Variants in WDR88 observed in about 807,000 individuals in gnomAD.
The protein encoded by WDR88 is WD repeat-containing protein 88.
WDR88 carries 40 observed loss-of-function variants against 46.8 expected under a neutral mutation model. The observed-to-expected ratio is 0.86, with a 90% CI of 0.66 to 1.11. WDR88 has a LOEUF of 1.11. Ranked by LOEUF, WDR88 falls within the 50% of genes most tolerant of loss-of-function variation. The probability of loss-of-function intolerance (pLI) is 0.00; values close to 1 mark genes in which losing one functional copy is unlikely to be tolerated. For synonymous variants in WDR88, 235 were observed against 240.7 expected, an observed-to-expected ratio of 0.98 and a Z score of 0.22; for missense variants, 562 against 602.4, an observed-to-expected ratio of 0.93 and a Z score of 0.70.
chr19:33,151,221 C>G lies in WDR88; in HGVS notation c.720C>G (p.Pro240=), dbSNP rs181600842. 1.9e-6 allele frequency: 3 copies of G among 1,613,770 alleles called. No individual in the cohort carries two copies. The highest frequency in any genetic ancestry group is 1.7e-6 in the Non-Finnish European group (2 of 1,179,872). The change falls in exon 6 of 11, where the codon CCC becomes CCG. Residue 240 remains proline, a synonymous_variant. Transcript: ENST00000355868. ...TRSITSCCFD[P]DSQRVASVSL... is the part of the protein sequence containing the mutation. Reference sequence around the variant, plus strand: ...CCATCACGTCATGCTGCTTTGACCCCGACAGCCAGAGGGTGGCTTCTGTCT... The same window carrying G: ...CCATCACGTCATGCTGCTTTGACCCGGACAGCCAGAGGGTGGCTTCTGTCT...
chr19:33,153,225 G>GT (rs1273804067), intron 6 of WDR88, among the ~76,000 whole-genome samples: 3 of 110,208 alleles, frequency 2.7e-5, no homozygotes, highest in African/African-American at 1.7e-4. Context: ...TAATTTTTAA[G>GT]TTTGTTTTTT....
At chr19:33,170,283 T>A (rs1040619666) in intron 9 of WDR88, among the ~76,000 whole-genome samples, 1 of 151,994 alleles carries the variant, frequency 6.6e-6, no homozygotes, top group African/African-American at 2.4e-5. Flanking sequence ...GCTTAGGCGA[T>A]CCTCCCGCCT....
chr19:33,160,501 A>G lies in WDR88; in HGVS notation c.1080+5A>G. The stretch of plus-strand genomic sequence containing the variant: ...TACCGGAAGCTCTCTTTGAAGGTAC[A>G]TGTGGCCAGCATGAGATTGAGGATC... On this transcript the variant is annotated splice_donor_5th_base_variant and intron_variant, in intron 8 of 10. Transcript: ENST00000355868. 3 of 1,614,118 alleles carry G rather than the reference A, an allele frequency of 1.9e-6. No individual in the cohort carries two copies. The highest frequency in any genetic ancestry group is 2.7e-5 in the African/African-American group (2 of 75,054).
At chr19:33,161,268 G>A (rs1469875800) in intron 8 of WDR88, among the ~76,000 whole-genome samples, 1 of 152,082 alleles carries the variant, frequency 6.6e-6, no homozygotes, top group East Asian at 1.9e-4. Flanking sequence ...TCCAAAATGG[G>A]GATGTCAACT....
chr19:33,165,947 A>G (rs991143565), intron 9 of WDR88, among the ~76,000 whole-genome samples: 2 of 150,038 alleles, frequency 1.3e-5, no homozygotes, highest in African/African-American at 2.5e-5. Flanking sequence ...TCTTTGATAC[A>G]GTACTTTAGT....
chr19:33,174,649 C>T (rs1293368586), intron 10 of WDR88: 14 of 985,298 alleles, frequency 1.4e-5, no homozygotes, highest in Middle Eastern at 5.2e-4. Context: ...TGCCTACTTG[C>T]GTCTCATGGT....
At chr19:33,143,843 C>T (rs1721667275) in intron 2 of WDR88, among the ~76,000 whole-genome samples, 1 of 152,096 alleles carries the variant, frequency 6.6e-6, no homozygotes, top group African/African-American at 2.4e-5. Context: ...GAAACTGGGA[C>T]TGTACCAAAA....
At chr19:33,174,251 T>C (rs1472264466) in intron 10 of WDR88, 1 of 1,536,178 alleles carries the variant, frequency 6.5e-7, no homozygotes, top group South Asian at 1.2e-5. Context: ...TCTGAATCAA[T>C]CAACATGAGA....
At chr19:33,142,890 G>A (rs991560960) in intron 2 of WDR88, 2 of 150,298 alleles carry the variant, frequency 1.3e-5, no homozygotes, top group Non-Finnish European at 3.0e-5. Flanking sequence ...AGGCCGGGGG[G>A]CGGGAATAAC....
intron 3 of WDR88, 21 bp downstream of exon 3, chr19:33,144,953 C>T: frequency 6.2e-7 from 1 of 1,606,182 alleles, no homozygotes; most frequent in Non-Finnish European, 8.5e-7. Flanking sequence ...CCTCGTCTTA[C>T]ACTGGGAAGA....
intron 9 of WDR88, among the ~76,000 whole-genome samples, chr19:33,171,268 G>T (rs913639637): frequency 6.6e-6 from 1 of 152,312 alleles, no homozygotes; most frequent in East Asian, 1.9e-4. Flanking sequence ...TTACTGGTGT[G>T]AGCCACCATG....
At chr19:33,144,113 G>A (rs1453442661) in intron 2 of WDR88, among the ~76,000 whole-genome samples, 2 of 152,180 alleles carry the variant, frequency 1.3e-5, no homozygotes, top group Admixed American at 1.3e-4. Flanking sequence ...GCAGCCCCAC[G>A]GACACTGATC....
At chr19:33,138,353 TTTTG>T (rs201572367) in intron 2 of WDR88, among the ~76,000 whole-genome samples, 20,639 of 150,772 alleles carry the variant, frequency 0.14, 1,650 homozygotes, top group Admixed American at 0.28. Flanking sequence ...CGACTGGCCC[TTTTG>T]TTTGTTTGTT....
intron 10 of WDR88, among the ~76,000 whole-genome samples, chr19:33,173,761 C>T (rs8112189): frequency 0.17 from 25,204 of 152,248 alleles, 2,723 homozygotes; most frequent in Admixed American, 0.28. Context: ...GCCTGGGAGC[C>T]TCCTCCTCTG....
chr19:33,155,182 C>T (rs1322335029), intron 6 of WDR88, among the ~76,000 whole-genome samples: 1 of 152,154 alleles, frequency 6.6e-6, no homozygotes, highest in African/African-American at 2.4e-5. Context: ...GCACTGTTGC[C>T]CAGGCTGGAG....
At chr19:33,170,823 C>A (rs1974026183) in intron 9 of WDR88, among the ~76,000 whole-genome samples, 1 of 151,986 alleles carries the variant, frequency 6.6e-6, no homozygotes, top group South Asian at 2.1e-4. Flanking sequence ...GGGCATGCCA[C>A]TGCACTCGGG....
rs62125333 is a variant in WDR88 at position 33,172,448 on chromosome 19, T to A, written c.1242+8T>A. The A allele has an allele frequency of 1.2e-6, 2 of 1,609,418 alleles. No homozygotes were observed. Among genetic ancestry groups the A allele is most frequent in the African/African-American group, 1.3e-5 (1 of 74,686 alleles). ...GGCTTAAAGTTGAAACAGGTTGGTA[T>A]TGGGTAAAATTAAGCCCAGTGAAGG... On this transcript the variant is annotated splice_region_variant and intron_variant, in intron 10 of 10. Coordinates refer to ENST00000355868, the MANE Select transcript of WDR88 (RefSeq NM_173479.4).
chr19:33,132,842 C>T (rs1973158858), intron 1 of WDR88, among the ~76,000 whole-genome samples: 1 of 152,156 alleles, frequency 6.6e-6, no homozygotes, highest in African/African-American at 2.4e-5. Context: ...TCAGAAGAAA[C>T]GGGAAACTCA....
intron 1 of WDR88, among the ~76,000 whole-genome samples, chr19:33,133,794 G>A (rs771836953): frequency 3.3e-5 from 5 of 152,172 alleles, no homozygotes; most frequent in African/African-American, 1.2e-4. Context: ...GGATCTTGGC[G>A]GTTCCCTGCC....
Sources: allele counts gnomAD v4.1 joint callset (sites outside exome capture counted in the v4.1 genomes callset), GRCh38; gene constraint gnomAD v4.1.1; transcripts MANE v1.5; gene names NCBI Gene and HGNC (gene_info 2026-07-23, HGNC 2026-07-21).